Variants in ABCD3 observed in about 807,000 individuals in gnomAD.
The protein encoded by ABCD3 is ATP-binding cassette sub-family D member 3.
In ABCD3, 41 loss-of-function variants were observed where a neutral mutation model predicts 105.5. The ratio of observed to expected loss-of-function variants is 0.39; its 90% CI spans 0.30 to 0.50. The LOEUF is 0.50. Ranked by LOEUF, ABCD3 falls within the 20% of genes least tolerant of loss-of-function variation. The probability of loss-of-function intolerance (pLI) is 0.84; values close to 1 mark genes in which losing one functional copy is unlikely to be tolerated. For missense variants in ABCD3, 622 were observed against 806.3 expected (o/e 0.77, Z 2.77); for synonymous variants, 258 against 269.0 (o/e 0.96, Z 0.40).
At position 94,517,561 on chromosome 1, in the gene ABCD3, C is replaced by A; in HGVS notation, c.*432C>A. The A allele has an allele frequency of 5.0e-6, 1 of 198,452 alleles. No individual in the cohort carries two copies. Among genetic ancestry groups the A allele is most frequent in the Non-Finnish European group, 1.0e-5 (1 of 95,880 alleles). The allele number at this position is 198,452 out of a possible 1,614,324, so 12.3% of individuals were successfully genotyped here. On this transcript the variant is annotated 3_prime_UTR_variant, in exon 23 of 23. Coordinates refer to ENST00000370214, the MANE Select transcript of ABCD3 (RefSeq NM_002858.4). Reference sequence around the variant, plus strand: ...CAAGATAGTCTTCAGTTTCATTTTCCTGTGCCCTGTGGTAGTTGGAAACAA... The same window carrying A: ...CAAGATAGTCTTCAGTTTCATTTTCATGTGCCCTGTGGTAGTTGGAAACAA...
At chr1:94,514,484 G>A (rs971885356) in intron 21 of ABCD3, 5 of 150,538 alleles carry the variant, frequency 3.3e-5, no homozygotes, top group Admixed American at 1.3e-4. Context: ...CTATAAATAC[G>A]TATTCACAAT....
intron 21 of ABCD3, among the ~76,000 whole-genome samples, chr1:94,510,215 A>G (rs1307566411): frequency 1.3e-5 from 2 of 152,108 alleles, no homozygotes; most frequent in Non-Finnish European, 2.9e-5. Flanking sequence ...GTTTCAAAGA[A>G]CATCTTTATT....
chr1:94,435,572 T>A (rs1487991189), intron 1 of ABCD3, among the ~76,000 whole-genome samples: 1 of 152,194 alleles, frequency 6.6e-6, no homozygotes, highest in Non-Finnish European at 1.5e-5. Flanking sequence ...TCTCTTTTTG[T>A]GATTTTAGCA....
chr1:94,390,905 G>T, the ABCD3 span, among the ~76,000 whole-genome samples: 1 of 152,142 alleles, frequency 6.6e-6, no homozygotes, highest in East Asian at 1.9e-4. Context: ...GCTTCTCTAT[G>T]CCCCCATTCT....
In ABCD3 at chr1:94,517,066, G is replaced by A. The variant is rs2101077146; in HGVS notation, c.1917G>A (p.Met639Ile). Residue 639 changes from methionine (M) to isoleucine (I), a missense_variant, in exon 23 of 23, where the codon ATG (methionine) becomes ATA (isoleucine). Around this residue, in one of 4 missense-constraint regions of ABCD3, gnomAD observed 285 missense variants for 352.5 expected, o/e 0.81. Transcript: ENST00000370214. ...LWKHHEYYLHMDGRGNYEFKQ... is the reference protein window; with the variant it reads ...LWKHHEYYLHIDGRGNYEFKQ... ...CTTTCCCATAGTACTACCTGCATATGGATGGCAGAGGCAACTATGAATTCA... is the reference window on the plus strand; with the variant it reads ...CTTTCCCATAGTACTACCTGCATATAGATGGCAGAGGCAACTATGAATTCA... 1 of 1,610,312 alleles carries A rather than the reference G, an allele frequency of 6.2e-7. No homozygotes were observed. The highest frequency in any genetic ancestry group is 8.5e-7 in the Non-Finnish European group (1 of 1,177,088).
chr1:94,428,069 G>GTTTT (rs199615252), intron 1 of ABCD3, among the ~76,000 whole-genome samples: 10 of 145,652 alleles, frequency 6.9e-5, no homozygotes, highest in East Asian at 4.2e-4. Context: ...GCTAAAAGGT[G>GTTTT]TTTTGTTTTT....
chr1:94,405,419 T>C, the ABCD3 span, among the ~76,000 whole-genome samples: 1 of 151,568 alleles, frequency 6.6e-6, no homozygotes, highest in South Asian at 2.1e-4. Context: ...CAAGCAATTC[T>C]CCTGCCTCAG....
intron 20 of ABCD3, among the ~76,000 whole-genome samples, chr1:94,505,819 G>T (rs1650324903): frequency 6.6e-6 from 1 of 152,114 alleles, no homozygotes; most frequent in Non-Finnish European, 1.5e-5. Flanking sequence ...ATGTTGCAGA[G>T]AAGGTAAATT....
intron 20 of ABCD3, 100 bp downstream of exon 20, chr1:94,499,714 C>A: frequency 6.9e-7 from 1 of 1,442,744 alleles, no homozygotes; most frequent in Non-Finnish European, 9.7e-7. Flanking sequence ...TATTCAGCAG[C>A]TGTTTCAGTA....
chr1:94,455,289 A>T (rs1433644388), intron 1 of ABCD3, among the ~76,000 whole-genome samples: 1 of 152,016 alleles, frequency 6.6e-6, no homozygotes, highest in Non-Finnish European at 1.5e-5. Flanking sequence ...TGAGAAACAA[A>T]TCTCATAAAG....
chr1:94,516,683 A>G (rs1650935974), intron 22 of ABCD3, among the ~76,000 whole-genome samples: 1 of 151,982 alleles, frequency 6.6e-6, no homozygotes, highest in Non-Finnish European at 1.5e-5. Flanking sequence ...AAATAAAAAC[A>G]GAAGGCTTTG....
At chr1:94,436,708 A>C (rs1659916692) in intron 1 of ABCD3, among the ~76,000 whole-genome samples, 2 of 152,164 alleles carry the variant, frequency 1.3e-5, no homozygotes, top group Non-Finnish European at 2.9e-5. Flanking sequence ...AAACTTTTTC[A>C]TTTATCATAT....
chr1:94,386,318 A>G, the ABCD3 span, among the ~76,000 whole-genome samples: 3 of 152,248 alleles, frequency 2.0e-5, no homozygotes, highest in Non-Finnish European at 4.4e-5. Flanking sequence ...TTCCTAAATT[A>G]TATTTTAATT....
At chr1:94,434,567 G>A (rs1659826235) in intron 1 of ABCD3, among the ~76,000 whole-genome samples, 1 of 152,160 alleles carries the variant, frequency 6.6e-6, no homozygotes, top group African/African-American at 2.4e-5. Flanking sequence ...CTAGGTGATA[G>A]GAATTTTTCA....
the ABCD3 span, chr1:94,406,508 A>G: frequency 1.0e-5 from 4 of 395,694 alleles, no homozygotes; most frequent in South Asian, 8.4e-5. Context: ...GAATCCAGGT[A>G]CCTTTCTCTT....
At chr1:94,457,915 G>C (rs749225475) in intron 1 of ABCD3, among the ~76,000 whole-genome samples, 1 of 152,090 alleles carries the variant, frequency 6.6e-6, no homozygotes, top group Admixed American at 6.5e-5. Context: ...TGATAGCATG[G>C]AACTAGTTTA....
intron 10 of ABCD3, among the ~76,000 whole-genome samples, chr1:94,485,685 GTA>G (rs2101016462): frequency 6.6e-6 from 1 of 152,134 alleles, no homozygotes; most frequent in Admixed American, 6.5e-5. Context: ...TTCCTTAAAA[GTA>G]TATATATATT....
At chr1:94,477,821 A>T (rs985783284) in intron 7 of ABCD3, among the ~76,000 whole-genome samples, 4 of 152,240 alleles carry the variant, frequency 2.6e-5, no homozygotes, top group African/African-American at 9.6e-5. Flanking sequence ...ATAGAGTCAA[A>T]CAATATTGGA....
At chr1:94,468,303 A>G (rs1570783789) in intron 4 of ABCD3, among the ~76,000 whole-genome samples, 1 of 152,196 alleles carries the variant, frequency 6.6e-6, no homozygotes, top group Non-Finnish European at 1.5e-5. Flanking sequence ...ATGCAGCATA[A>G]TAAGTGCTGT....
Sources: allele counts gnomAD v4.1 joint callset (sites outside exome capture counted in the v4.1 genomes callset), GRCh38; gene constraint gnomAD v4.1.1; regional missense constraint gnomAD v4.1.1; transcripts MANE v1.5; gene names NCBI Gene and HGNC (gene_info 2026-07-23, HGNC 2026-07-21).